The following PDE10A variants were observed in gnomAD, a reference collection of about 807,000 sequenced individuals.
The protein encoded by PDE10A is cAMP and cAMP-inhibited cGMP 3',5'-cyclic phosphodiesterase 10A.
In PDE10A, 39 loss-of-function variants were observed where a neutral mutation model predicts 97.7. That is an observed-to-expected ratio of 0.40 (90% CI 0.31 to 0.52). The LOEUF (loss-of-function observed/expected upper bound fraction) is 0.52. Ranked by LOEUF, PDE10A falls within the 20% of genes least tolerant of loss-of-function variation. The probability of loss-of-function intolerance (pLI) is 0.56; values close to 1 mark genes in which losing one functional copy is unlikely to be tolerated. For missense variants in PDE10A, 731 were observed against 1,047.8 expected (o/e 0.70, Z 4.17); for synonymous variants, 371 against 376.8 (o/e 0.98, Z 0.18).
chr6:165,718,034 G>C (rs6918501), intron 1 of PDE10A, among the ~76,000 whole-genome samples: 1 of 151,970 alleles, frequency 6.6e-6, no homozygotes, highest in African/African-American at 2.4e-5. Flanking sequence ...ATTTTCTCCC[G>C]TTCCGTGGGT....
intron 20 of PDE10A, among the ~76,000 whole-genome samples, chr6:165,337,602 G>A (rs1781727323): frequency 6.6e-6 from 1 of 152,116 alleles, no homozygotes; most frequent in African/African-American, 2.4e-5. Flanking sequence ...CATTATTATG[G>A]CAAATAATTT....
chr6:165,780,068 T>C (rs1049564908), intron 1 of PDE10A, among the ~76,000 whole-genome samples: 10 of 152,226 alleles, frequency 6.6e-5, no homozygotes, highest in African/African-American at 2.4e-4. Context: ...GTTTTTCCCT[T>C]CTCAGATTAT....
intron 1 of PDE10A, among the ~76,000 whole-genome samples, chr6:165,957,491 A>G (rs1276822436): frequency 1.3e-5 from 2 of 152,188 alleles, no homozygotes; most frequent in African/African-American, 4.8e-5. Flanking sequence ...AAAAATACAG[A>G]AAACAAAAAT....
intron 13 of PDE10A, among the ~76,000 whole-genome samples, chr6:165,409,052 C>T (rs1334765195): frequency 6.7e-6 from 1 of 148,284 alleles, no homozygotes; most frequent in Non-Finnish European, 1.5e-5. Flanking sequence ...GTAGTCCCAG[C>T]TACTCGGGAG....
At chr6:165,620,937 A>G in intron 1 of PDE10A, among the ~76,000 whole-genome samples, 1 of 151,194 alleles carries the variant, frequency 6.6e-6, no homozygotes, top group Middle Eastern at 3.4e-3. Context: ...AGGGGAATCG[A>G]TTGAACCTGG....
At chr6:165,894,231 G>A (rs923118330) in intron 1 of PDE10A, 6 of 453,030 alleles carry the variant, frequency 1.3e-5, no homozygotes, top group Admixed American at 4.7e-5. Context: ...AATATCATAT[G>A]TCTGTCCTGT....
intron 1 of PDE10A, among the ~76,000 whole-genome samples, chr6:165,727,659 A>C (rs1196177516): frequency 1.3e-5 from 2 of 152,230 alleles, no homozygotes; most frequent in East Asian, 3.8e-4. Flanking sequence ...AGTAGATAGG[A>C]GGAAGACAGC....
Position 165,772,704 on chromosome 6 carries a change from A to C in PDE10A, c.-615+214825T>G, listed in dbSNP as rs369029281. Reference sequence around the variant, plus strand: ...CCAAATAAATCTAGCTGAGAAAACAAATTTAGGGGCGGAAGTGAGGAAAGT... The same window carrying C: ...CCAAATAAATCTAGCTGAGAAAACACATTTAGGGGCGGAAGTGAGGAAAGT... On this transcript the variant is annotated intron_variant, in intron 1 of 19. Coordinates refer to the PDE10A transcript ENST00000366882. Among the ~76,000 whole-genome samples the C allele has an allele frequency of 7.2e-5, 11 of 152,284 alleles. No individual in the cohort carries two copies. In the East Asian group the frequency reaches 1.2e-3, roughly 16 times the overall value.
chr6:165,467,103 T>G (rs143750338), intron 3 of PDE10A, among the ~76,000 whole-genome samples: 2 of 152,126 alleles, frequency 1.3e-5, no homozygotes, highest in Admixed American at 1.3e-4. Flanking sequence ...GAGCCCTAGC[T>G]CCCTTCAATT....
Position 165,394,354 on chromosome 6 carries a change from G to A in PDE10A, c.2303+827C>T, listed in dbSNP as rs1276813744. On this transcript the variant is annotated intron_variant, in intron 15 of 21. Coordinates refer to ENST00000539869, the MANE Select transcript of PDE10A (RefSeq NM_001385079.1). ...CTTCTTGTGTTAATATGCTGAGAAT[G>A]ATGGTTTCCAGCTTCATCCATGTCC... Among the ~76,000 whole-genome samples the A allele has an allele frequency of 2.6e-5, 4 of 152,240 alleles. No homozygotes were observed. In the South Asian group the frequency reaches 8.3e-4, roughly 32 times the overall value.
At chr6:165,497,115 A>T (rs894937277) in intron 2 of PDE10A, among the ~76,000 whole-genome samples, 13 of 152,202 alleles carry the variant, frequency 8.5e-5, no homozygotes, top group African/African-American at 1.2e-4. Context: ...GGGGTTACAT[A>T]TAAGTTCACA....
At chr6:165,847,905 AT>A (rs1370980077) in intron 1 of PDE10A, among the ~76,000 whole-genome samples, 2 of 152,212 alleles carry the variant, frequency 1.3e-5, no homozygotes, top group African/African-American at 4.8e-5. Context: ...GTTACACATT[AT>A]TGCATTCAAT....
intron 1 of PDE10A, among the ~76,000 whole-genome samples, chr6:165,786,091 G>A (rs979383467): frequency 6.6e-6 from 1 of 152,184 alleles, no homozygotes; most frequent in East Asian, 1.9e-4. Flanking sequence ...CCAGAATAAC[G>A]TTTTAGCTAC....
At chr6:165,443,854 C>T (rs1239895781) in intron 5 of PDE10A, among the ~76,000 whole-genome samples, 1 of 152,144 alleles carries the variant, frequency 6.6e-6, no homozygotes, top group Non-Finnish European at 1.5e-5. Flanking sequence ...TTTCCTAGGC[C>T]TCTGGACCTG....
At chr6:165,868,777 A>T (rs1781121666) in intron 1 of PDE10A, among the ~76,000 whole-genome samples, 1 of 152,114 alleles carries the variant, frequency 6.6e-6, no homozygotes, top group African/African-American at 2.4e-5. Flanking sequence ...TCAACGATGT[A>T]ATAGCAAAAC....
At chr6:165,466,776 C>T (rs764913802) in intron 3 of PDE10A, among the ~76,000 whole-genome samples, 15 of 152,228 alleles carry the variant, frequency 9.9e-5, no homozygotes, top group African/African-American at 2.9e-4. Flanking sequence ...CAATTAATAA[C>T]TCTACAATGA....
chr6:165,760,466 T>C (rs1405479580), intron 1 of PDE10A, among the ~76,000 whole-genome samples: 1 of 152,212 alleles, frequency 6.6e-6, no homozygotes, highest in Non-Finnish European at 1.5e-5. Context: ...TTAGTTTACA[T>C]AGATGTTTAG....
chr6:165,390,274 G>A (rs569691738), intron 16 of PDE10A, among the ~76,000 whole-genome samples: 1 of 152,300 alleles, frequency 6.6e-6, no homozygotes, highest in Admixed American at 6.5e-5. Context: ...CTAACCCTTG[G>A]ATCTCGCAAG....
At chr6:165,529,914 T>C (rs962867922) in intron 2 of PDE10A, among the ~76,000 whole-genome samples, 12 of 152,084 alleles carry the variant, frequency 7.9e-5, no homozygotes, top group Non-Finnish European at 1.6e-4. Context: ...CTTGATTGGA[T>C]TGGAGGATGC....
Sources: allele counts gnomAD v4.1 joint callset (sites outside exome capture counted in the v4.1 genomes callset), GRCh38; gene constraint gnomAD v4.1.1; transcripts MANE v1.5; gene names NCBI Gene and HGNC (gene_info 2026-07-23, HGNC 2026-07-21).